The following KIFAP3 variants were observed in gnomAD, a reference collection of about 807,000 sequenced individuals.
KIFAP3 encodes the protein kinesin-associated protein 3.
KIFAP3 carries 68 observed loss-of-function variants against 106.5 expected under a neutral mutation model. The ratio of observed to expected loss-of-function variants is 0.64; its 90% CI spans 0.53 to 0.78. The LOEUF (loss-of-function observed/expected upper bound fraction) is 0.78, where lower values mean the gene tolerates loss of function less well. KIFAP3 is among the 30% of genes least tolerant of loss of function. The pLI is 0.00. For missense variants in KIFAP3, 780 were observed against 941.8 expected (o/e 0.83, Z 2.25); for synonymous variants, 320 against 311.5 (o/e 1.03, Z -0.29).
At chr1:170,074,711 G>A (rs1671860409), upstream of KIFAP3, 2 of 1,392,380 alleles carry the variant, frequency 1.4e-6, no homozygotes, top group African/African-American at 2.9e-5. Context: ...GGGCCGTCAC[G>A]ACGCATGCGC....
intron 10 of KIFAP3, among the ~76,000 whole-genome samples, chr1:169,998,095 A>G (rs1667462259): frequency 6.6e-6 from 1 of 151,448 alleles, no homozygotes; most frequent in African/African-American, 2.4e-5. Flanking sequence ...CCCTCCACAC[A>G]CATTCAGAAA....
chr1:169,962,363 A>G (rs1429790224), intron 17 of KIFAP3, among the ~76,000 whole-genome samples: 1 of 152,200 alleles, frequency 6.6e-6, no homozygotes, highest in Non-Finnish European at 1.5e-5. Flanking sequence ...GAACTTCTCC[A>G]TCTACTACTT....
intron 19 of KIFAP3, among the ~76,000 whole-genome samples, chr1:169,933,342 G>A (rs1663597793): frequency 6.6e-6 from 1 of 151,950 alleles, no homozygotes; most frequent in Non-Finnish European, 1.5e-5. Flanking sequence ...TAATATACCA[G>A]AAATGTATTA....
intron 8 of KIFAP3, among the ~76,000 whole-genome samples, chr1:170,030,309 G>A (rs920025191): frequency 2.6e-5 from 4 of 151,956 alleles, no homozygotes; most frequent in Admixed American, 6.6e-5. Flanking sequence ...TGGCAGATAA[G>A]CACATCAGGA....
At chr1:169,982,185 A>G in intron 14 of KIFAP3, 88 bp from the exon 15 acceptor site, 3 of 1,318,938 alleles carry the variant, frequency 2.3e-6, no homozygotes, top group Non-Finnish European at 3.2e-6. Context: ...CACAGAAAGG[A>G]TACTGAAAGC....
chr1:169,936,984 C>CTTGA (rs1159823071), intron 19 of KIFAP3, among the ~76,000 whole-genome samples: 1 of 146,152 alleles, frequency 6.8e-6, no homozygotes, highest in Non-Finnish European at 1.5e-5. Context: ...TATTACTCAA[C>CTTGA]ATATTGGAGT....
chr1:170,041,955 G>C (rs1670003610), intron 3 of KIFAP3: 2 of 938,314 alleles, frequency 2.1e-6, no homozygotes, highest in South Asian at 2.6e-5. Context: ...CCTGGTTTTA[G>C]AGTTCTGACT....
At chr1:169,949,818 G>A (rs1383205497) in intron 19 of KIFAP3, among the ~76,000 whole-genome samples, 1 of 152,012 alleles carries the variant, frequency 6.6e-6, no homozygotes, top group Non-Finnish European at 1.5e-5. Context: ...TCTAAATGTT[G>A]GGAAATCCTG....
intron 9 of KIFAP3, among the ~76,000 whole-genome samples, chr1:170,019,711 A>T (rs1340882310): frequency 1.3e-5 from 2 of 152,188 alleles, no homozygotes; most frequent in East Asian, 3.8e-4. Flanking sequence ...AGTATCTAAA[A>T]AACCCCACTG....
chr1:170,044,400 G>A (rs1670137763), intron 3 of KIFAP3, among the ~76,000 whole-genome samples: 2 of 152,166 alleles, frequency 1.3e-5, no homozygotes, highest in South Asian at 2.1e-4. Context: ...AATTCTCCAT[G>A]TGATAGCCTT....
Position 169,982,794 on chromosome 1 carries a change from G to C in KIFAP3, c.1580C>G (p.Thr527Ser), listed in dbSNP as rs1439482329. 1 of 1,608,410 alleles carries C rather than the reference G, an allele frequency of 6.2e-7. No individual in the cohort carries two copies. The highest frequency in any genetic ancestry group is 8.5e-7 in the Non-Finnish European group (1 of 1,176,040). The change falls in exon 14 of 20, where the codon ACT (threonine) becomes AGT (serine). Residue 527 changes from threonine to serine, a missense_variant. Physicochemically the swap from Thr to Ser is moderately conservative, Grantham distance 58. Coordinates refer to ENST00000361580, the MANE Select transcript of KIFAP3 (RefSeq NM_014970.4). ...GTCTGGAATGGTCAAGTTTGCAAGA[G>C]TTCCCAAACATTCAATCACAAACTC... is the stretch of plus-strand genomic sequence containing the variant. The part of the protein sequence containing the change: ...EEEFVIECLG[T>S]LANLTIPDLD...
chr1:170,059,696 T>A (rs1421941967), intron 1 of KIFAP3, among the ~76,000 whole-genome samples: 1 of 152,198 alleles, frequency 6.6e-6, no homozygotes, highest in Non-Finnish European at 1.5e-5. Flanking sequence ...TACCAAAGCC[T>A]GGCAGAGACA....
intron 1 of KIFAP3, among the ~76,000 whole-genome samples, chr1:170,066,757 T>A (rs1261032267): frequency 6.6e-6 from 1 of 152,012 alleles, no homozygotes; most frequent in Non-Finnish European, 1.5e-5. Flanking sequence ...ACAGGAGGAC[T>A]ACCTCCTAGG....
intron 19 of KIFAP3, among the ~76,000 whole-genome samples, chr1:169,944,551 CAGCT>C (rs1664321627): frequency 6.6e-6 from 1 of 152,168 alleles, no homozygotes; most frequent in African/African-American, 2.4e-5. Context: ...GTTTGTGTTA[CAGCT>C]CTTTGAGTCC....
At chr1:169,921,832 C>T (rs757283573) in intron 19 of KIFAP3, 51 bp from the exon 20 acceptor site, 7 of 1,346,464 alleles carry the variant, frequency 5.2e-6, no homozygotes, top group African/African-American at 4.3e-5. Flanking sequence ...CACACATCCA[C>T]AATGCAGATT....
chr1:169,992,183 A>G lies in KIFAP3; in HGVS notation c.1256T>C (p.Met419Thr). 4 of 1,578,136 alleles carry G rather than the reference A, an allele frequency of 2.5e-6. No individual in the cohort carries two copies. Among genetic ancestry groups the G allele is most frequent in the Non-Finnish European group, 3.4e-6 (4 of 1,162,874 alleles). ...HISMDDRFKS[M>T]FAYTDCIPQL... The stretch of plus-strand genomic sequence containing the variant: ...TGGTATACAGTCAGTGTATGCAAAC[A>G]TTGATTTAAAGCGGTCATCCATGCT... Residue 419 changes from methionine to threonine, a missense_variant, in exon 11 of 20, where the codon ATG (methionine) becomes ACG (threonine). Coordinates refer to ENST00000361580, the MANE Select transcript of KIFAP3 (RefSeq NM_014970.4).
At chr1:170,025,655 T>G (rs1669065607) in intron 8 of KIFAP3, among the ~76,000 whole-genome samples, 2 of 152,128 alleles carry the variant, frequency 1.3e-5, no homozygotes, top group Non-Finnish European at 2.9e-5. Context: ...TTTTACAGAT[T>G]GGAAACCCCT....
chr1:170,079,244 T>G (rs1671976562), upstream of KIFAP3, among the ~76,000 whole-genome samples: 1 of 152,146 alleles, frequency 6.6e-6, no homozygotes. Context: ...CCTCCTATCT[T>G]GCCATGTGAT....
At chr1:170,023,770 T>C (rs4656730) in intron 9 of KIFAP3, among the ~76,000 whole-genome samples, 2 of 152,008 alleles carry the variant, frequency 1.3e-5, no homozygotes, top group Non-Finnish European at 1.5e-5. Flanking sequence ...GTGAAAATGA[T>C]ATATGCTCAA....
Sources: allele counts gnomAD v4.1 joint callset (sites outside exome capture counted in the v4.1 genomes callset), GRCh38; gene constraint gnomAD v4.1.1; transcripts MANE v1.5; gene names NCBI Gene and HGNC (gene_info 2026-07-23, HGNC 2026-07-21).